Variants in ICOS observed in about 807,000 individuals in gnomAD.
The protein encoded by ICOS is inducible T-cell costimulator.
In ICOS, 15 loss-of-function variants were observed where a neutral mutation model predicts 24.6. The ratio of observed to expected loss-of-function variants is 0.61; its 90% confidence interval spans 0.41 to 0.94. The LOEUF (loss-of-function observed/expected upper bound fraction) is 0.94, where lower values mean the gene tolerates loss of function less well. ICOS is among the 40% of genes least tolerant of loss of function. The pLI is 0.00. For synonymous variants in ICOS, 89 were observed against 77.5 expected, an observed-to-expected ratio of 1.15 and a Z score of -0.78; for missense variants, 200 against 233.0, an observed-to-expected ratio of 0.86 and a Z score of 0.92.
At position 203,959,881 on chromosome 2, in the gene ICOS, C is replaced by T; in HGVS notation, c.*282C>T. 1.8e-6 allele frequency: 1 copy of T among 545,580 alleles called. No individual in the cohort carries two copies. 33.8% of individuals were successfully genotyped at this position (545,580 alleles called of 1,614,324 possible). A position where few individuals can be genotyped will look rare whatever the true frequency, so the allele number is the denominator to read the frequency against. ...ACTGGGAGTGGAATCCCTGTCTCCA[C>T]ATCTGCTCCTAGCAGTGCATCAGCC... On this transcript the variant is annotated 3_prime_UTR_variant, in exon 5 of 5. Coordinates refer to ENST00000316386, the MANE Select transcript of ICOS (RefSeq NM_012092.4).
chr2:203,938,450 C>T (rs59273055), intron 1 of ICOS, among the ~76,000 whole-genome samples: 23,192 of 152,146 alleles, frequency 0.15, 2,897 homozygotes, highest in African/African-American at 0.33. Context: ...AGGGAAGAGG[C>T]TGAGCTTGGT....
chr2:203,945,516 A>G (rs1689852800), intron 1 of ICOS, among the ~76,000 whole-genome samples: 1 of 152,168 alleles, frequency 6.6e-6, no homozygotes, highest in Non-Finnish European at 1.5e-5. Context: ...TGTGAACATC[A>G]TCGAGCGTAC....
chr2:203,946,675 T>A (rs4675376), intron 1 of ICOS, among the ~76,000 whole-genome samples: 151,851 of 152,148 alleles, frequency 1, 75,780 homozygotes, highest in Middle Eastern at 1. Flanking sequence ...CTTTTTTTTT[T>A]AATGCCAGAA....
chr2:203,938,433 C>A (rs1689703133), intron 1 of ICOS, among the ~76,000 whole-genome samples: 1 of 152,186 alleles, frequency 6.6e-6, no homozygotes, highest in Non-Finnish European at 1.5e-5. Flanking sequence ...TGTGCCTGAG[C>A]ACAAAGAGGG....
At chr2:203,955,566 G>T in intron 1 of ICOS, 70 bp from the exon 2 acceptor site, 1 of 1,329,800 alleles carries the variant, frequency 7.5e-7, no homozygotes, top group Non-Finnish European at 1.1e-6. Flanking sequence ...TTGCTTTTAT[G>T]TTAAAATATA....
chr2:203,950,775 G>A (rs961371759), intron 1 of ICOS, among the ~76,000 whole-genome samples: 4 of 152,014 alleles, frequency 2.6e-5, no homozygotes, highest in East Asian at 1.9e-4. Flanking sequence ...AATTAAGAGC[G>A]TCCAGGCCAG....
Position 203,955,885 on chromosome 2 carries a change from A to G in ICOS, c.308A>G (p.His103Arg). The change falls in exon 2 of 5, where the codon CAT (histidine) becomes CGT (arginine). Residue 103 changes from histidine (H) to arginine (R), a missense_variant. Physicochemically the swap from His to Arg is conservative, Grantham distance 29. Coordinates refer to ENST00000316386, the MANE Select transcript of ICOS (RefSeq NM_012092.4). ...SFFLYNLDHS[H>R]ANYYFCNLSI... The stretch of plus-strand genomic sequence containing the variant: ...TTTCTATACAACTTGGACCATTCTC[A>G]TGCCAACTATTACTTCTGCAACCTA... 4 of 1,611,222 alleles carry G rather than the reference A, an allele frequency of 2.5e-6. No homozygotes were observed. Among genetic ancestry groups the G allele is most frequent in the Non-Finnish European group, 3.4e-6 (4 of 1,177,624 alleles).
At chr2:203,956,441 C>T (rs1690079256) in intron 2 of ICOS, among the ~76,000 whole-genome samples, 1 of 152,138 alleles carries the variant, frequency 6.6e-6, no homozygotes, top group Non-Finnish European at 1.5e-5. Context: ...CTATTAACCA[C>T]ATTTGTAAAT....
chr2:203,956,907 A>C (rs1690087236), intron 3 of ICOS, 142 bp downstream of exon 3: 2 of 663,636 alleles, frequency 3.0e-6, no homozygotes. Context: ...ATACCTACTA[A>C]TTAAACTAAT....
At chr2:203,939,271 G>C (rs1559031748) in intron 1 of ICOS, among the ~76,000 whole-genome samples, 1 of 152,092 alleles carries the variant, frequency 6.6e-6, no homozygotes, top group Non-Finnish European at 1.5e-5. Flanking sequence ...AAATCTCAAT[G>C]ATTCTGATCA....
At chr2:203,941,422 A>AG (rs985929378) in intron 1 of ICOS, among the ~76,000 whole-genome samples, 1 of 152,286 alleles carries the variant, frequency 6.6e-6, no homozygotes, top group Non-Finnish European at 1.5e-5. Context: ...GCAGGCATGT[A>AG]GGGGGGACTG....
At chr2:203,959,440 C>G in intron 4 of ICOS, 146 bp from the exon 5 acceptor site, 1 of 740,270 alleles carries the variant, frequency 1.4e-6, no homozygotes, top group Non-Finnish European at 2.4e-6. Flanking sequence ...GATGAGTTTG[C>G]ATGGTGTGTG....
At chr2:203,938,323 G>A (rs947436575) in intron 1 of ICOS, among the ~76,000 whole-genome samples, 1 of 152,162 alleles carries the variant, frequency 6.6e-6, no homozygotes, top group Non-Finnish European at 1.5e-5. Context: ...ACGGTATGAA[G>A]GTAGGGAAGA....
At chr2:203,956,288 G>C (rs1690076939) in intron 2 of ICOS, among the ~76,000 whole-genome samples, 1 of 151,968 alleles carries the variant, frequency 6.6e-6, no homozygotes, top group African/African-American at 2.4e-5. Flanking sequence ...CTTAATAATG[G>C]GTATTATCTC....
chr2:203,950,790 G>A (rs1412542347), intron 1 of ICOS, among the ~76,000 whole-genome samples: 3 of 152,010 alleles, frequency 2.0e-5, no homozygotes, highest in Admixed American at 2.0e-4. Flanking sequence ...GGCCAGGTGC[G>A]GTGGCTCACG....
intron 1 of ICOS, among the ~76,000 whole-genome samples, chr2:203,939,150 A>C (rs1689719113): frequency 6.6e-6 from 1 of 152,212 alleles, no homozygotes; most frequent in African/African-American, 2.4e-5. Flanking sequence ...GATTTGTTAC[A>C]CAGTAGTTGG....
In ICOS at chr2:203,953,954, G is replaced by C. The variant is rs146044233; in HGVS notation, c.59-1682G>C. Among the ~76,000 whole-genome samples, 373 of 152,192 alleles carry C rather than the reference G, an allele frequency of 2.5e-3. 1 individual carries two copies. The highest frequency in any genetic ancestry group is 8.5e-3 in the African/African-American group (354 of 41,536). ...GATAAAGAGCAAAAATATACAAATA[G>C]TATTTCTATTTCACTGTAGAACTAG... is the stretch of plus-strand genomic sequence containing the variant. On this transcript the variant is annotated intron_variant, in intron 1 of 4. Coordinates refer to ENST00000316386, the MANE Select transcript of ICOS (RefSeq NM_012092.4).
At position 203,937,288 on chromosome 2, in the gene ICOS, G is replaced by C. The variant is rs1315311455; in HGVS notation, c.58+416G>C. On this transcript the variant is annotated intron_variant, in intron 1 of 4. Coordinates refer to ENST00000316386, the MANE Select transcript of ICOS (RefSeq NM_012092.4). Reference sequence around the variant, plus strand: ...GTAGAAAATAAAATGGGAAGTCTTTGAAAAGAAGGATTTTGATTTTAATCT... The same window carrying C: ...GTAGAAAATAAAATGGGAAGTCTTTCAAAAGAAGGATTTTGATTTTAATCT... 3.9e-5 allele frequency among the ~76,000 whole-genome samples: 6 copies of C among 152,260 alleles called. No individual in the cohort carries two copies. In the East Asian group the frequency reaches 7.7e-4, roughly 20 times the overall value.
chr2:203,952,575 G>T (rs1256989646), intron 1 of ICOS, among the ~76,000 whole-genome samples: 1 of 151,990 alleles, frequency 6.6e-6, no homozygotes, highest in Admixed American at 6.6e-5. Context: ...AGTGTGACTG[G>T]GTTCTAACTA....
Sources: gnomAD v4.1 joint callset for allele counts (sites outside exome capture counted in the v4.1 genomes callset) on GRCh38, gnomAD v4.1.1 for gene constraint, MANE v1.5 for transcripts, NCBI Gene and HGNC (gene_info 2026-07-23, HGNC 2026-07-21) for gene names.